The following AUH variants were observed in gnomAD, a reference collection of about 807,000 sequenced individuals.
The protein encoded by AUH is methylglutaconyl-CoA hydratase, mitochondrial.
Under a neutral mutation model 42.3 loss-of-function variants are expected in AUH, and 29 were observed. That is an observed-to-expected ratio of 0.69 (90% CI 0.51 to 0.93). The LOEUF (loss-of-function observed/expected upper bound fraction) is 0.93. AUH is among the 40% of genes least tolerant of loss of function. The pLI is 0.00. For synonymous variants in AUH, 174 were observed against 166.4 expected, an observed-to-expected ratio of 1.05 and a Z score of -0.35; for missense variants, 452 against 438.1, an observed-to-expected ratio of 1.03 and a Z score of -0.28.
At chr9:91,321,521 A>C (rs1829569432) in intron 4 of AUH, among the ~76,000 whole-genome samples, 1 of 152,212 alleles carries the variant, frequency 6.6e-6, no homozygotes, top group Non-Finnish European at 1.5e-5. Flanking sequence ...CCAAAAAGCA[A>C]AACCCAATGA....
intron 6 of AUH, among the ~76,000 whole-genome samples, chr9:91,234,283 T>C (rs944509006): frequency 1.3e-5 from 2 of 152,196 alleles, no homozygotes; most frequent in African/African-American, 4.8e-5. Flanking sequence ...TGCTGGATGC[T>C]GCTTCCAGGA....
intron 4 of AUH, among the ~76,000 whole-genome samples, chr9:91,302,785 A>G (rs1827904109): frequency 6.6e-6 from 1 of 152,210 alleles, no homozygotes; most frequent in Admixed American, 6.5e-5. Context: ...AAGGAAAAAA[A>G]ATGTTAATAA....
chr9:91,324,535 ACT>A (rs1829827758), intron 4 of AUH, among the ~76,000 whole-genome samples: 1 of 148,420 alleles, frequency 6.7e-6, no homozygotes, highest in Non-Finnish European at 1.5e-5. Context: ...AAAAAAAAAA[ACT>A]AAAACCAAAT....
chr9:91,330,170 A>G (rs1830226152), intron 3 of AUH, among the ~76,000 whole-genome samples: 1 of 152,206 alleles, frequency 6.6e-6, no homozygotes, highest in Non-Finnish European at 1.5e-5. Flanking sequence ...GTATTTCTAT[A>G]TACTAGCAAA....
intron 1 of AUH, among the ~76,000 whole-genome samples, chr9:91,360,883 C>T (rs1832793596): frequency 6.6e-6 from 1 of 152,166 alleles, no homozygotes; most frequent in African/African-American, 2.4e-5. Flanking sequence ...ACTGCTATTC[C>T]ACCCTTCACG....
intron 7 of AUH, chr9:91,218,696 T>C (rs1425258534): frequency 5.1e-6 from 5 of 984,924 alleles, no homozygotes; most frequent in East Asian, 2.3e-4. Context: ...ACATTTCCAG[T>C]GCCTTTTCTT....
Position 91,214,235 on chromosome 9 carries a change from C to A in AUH, c.*113G>T. 3.5e-6 allele frequency: 3 copies of A among 858,880 alleles called. No individual in the cohort carries two copies. The highest frequency in any genetic ancestry group is 1.9e-6 in the Non-Finnish European group (1 of 525,658). 53.2% of individuals were successfully genotyped at this position (858,880 alleles called of 1,614,324 possible). A position where few individuals can be genotyped will look rare whatever the true frequency, so the allele number is the denominator to read the frequency against. On this transcript the variant is annotated 3_prime_UTR_variant, in exon 10 of 10. Transcript: ENST00000375731. ...ATGCTTATTACACCGTATGAATAATCTGCTCTTCACTTTGGTCATTAAGGT... is the reference window on the plus strand; with the variant it reads ...ATGCTTATTACACCGTATGAATAATATGCTCTTCACTTTGGTCATTAAGGT...
chr9:91,293,152 T>C (rs1827047846), intron 6 of AUH, among the ~76,000 whole-genome samples: 1 of 152,138 alleles, frequency 6.6e-6, no homozygotes, highest in Non-Finnish European at 1.5e-5. Flanking sequence ...GGTCTCTCTA[T>C]TCCCTGAGAC....
In AUH at chr9:91,298,086, A is replaced by C. The variant is rs1030057012; in HGVS notation, c.506-10T>G. The stretch of plus-strand genomic sequence containing the variant: ...GGTACTGGAAGATTAGCTGAAATGG[A>C]AAGAAAATTTTATGCTTCCTTAATA... On this transcript the variant is annotated splice_polypyrimidine_tract_variant and intron_variant, in intron 4 of 9. Transcript: ENST00000375731. 2 of 1,600,930 alleles carry C rather than the reference A, an allele frequency of 1.2e-6. No individual in the cohort carries two copies. Among genetic ancestry groups the C allele is most frequent in the African/African-American group, 2.7e-5 (2 of 74,622 alleles).
chr9:91,249,036 C>G lies in AUH; in HGVS notation c.656-28044G>C, dbSNP rs571827235. ...TCTGGGCCAGGCACGGTGGCTTACA[C>G]CTGTAATGCCAGCACTCTGGGAGGC... On this transcript the variant is annotated intron_variant, in intron 6 of 9. Transcript: ENST00000375731. Among the ~76,000 whole-genome samples the G allele has an allele frequency of 2.0e-5, 3 of 152,214 alleles. No homozygotes were observed. The South Asian group carries it at 6.2e-4, about 32-fold the overall frequency.
intron 6 of AUH, among the ~76,000 whole-genome samples, chr9:91,231,271 G>A (rs749667520): frequency 8.5e-5 from 13 of 152,146 alleles, no homozygotes; most frequent in South Asian, 2.1e-4. Context: ...TTTTAAGCCC[G>A]TCGGAAAAGC....
chr9:91,278,591 TAGAA>T (rs1200659051), intron 6 of AUH, among the ~76,000 whole-genome samples: 20 of 152,126 alleles, frequency 1.3e-4, no homozygotes, highest in Non-Finnish European at 1.2e-4. Context: ...AATGGAAAAA[TAGAA>T]AGTCTGGATA....
At chr9:91,278,822 G>A (rs1349309379) in intron 6 of AUH, among the ~76,000 whole-genome samples, 1 of 152,144 alleles carries the variant, frequency 6.6e-6, no homozygotes, top group African/African-American at 2.4e-5. Flanking sequence ...GTTGAAACAA[G>A]CGACATGAGC....
intron 4 of AUH, among the ~76,000 whole-genome samples, chr9:91,319,435 C>T (rs1254495015): frequency 6.6e-6 from 1 of 152,146 alleles, no homozygotes. Context: ...GTCAGGTGAC[C>T]ATGTAATTGT....
At chr9:91,306,498 T>C (rs2131723169) in intron 4 of AUH, 3 of 400,910 alleles carry the variant, frequency 7.5e-6, no homozygotes, top group East Asian at 1.6e-4. Context: ...CTCACCATTA[T>C]TGCCTTGCTT....
chr9:91,355,798 C>T (rs1832363664), intron 3 of AUH, 85 bp downstream of exon 3: 1 of 1,297,962 alleles, frequency 7.7e-7, no homozygotes, highest in African/African-American at 1.5e-5. Flanking sequence ...GGGTTCAAAC[C>T]AAAGAACATT....
rs915010722 is a variant in AUH at position 91,221,572 on chromosome 9, G to C, written c.656-580C>G. ...GGTCATCTCCGTTAGCTCTTCTCTC[G>C]GAGACGCTCTCTCACACAAACACAC... On this transcript the variant is annotated intron_variant, in intron 6 of 9. Transcript: ENST00000375731. Among the ~76,000 whole-genome samples, 3 of 152,154 alleles carry C rather than the reference G, an allele frequency of 2.0e-5. No individual in the cohort carries two copies. In the East Asian group the frequency reaches 5.8e-4, roughly 29 times the overall value.
chr9:91,224,458 G>C (rs1827319459), intron 6 of AUH, among the ~76,000 whole-genome samples: 1 of 151,938 alleles, frequency 6.6e-6, no homozygotes. Context: ...CTTTAATTTT[G>C]GTCCAATTTA....
chr9:91,280,144 A>G (rs937747394), intron 6 of AUH, among the ~76,000 whole-genome samples: 5 of 152,212 alleles, frequency 3.3e-5, no homozygotes, highest in African/African-American at 1.2e-4. Context: ...TTTATTTTTA[A>G]AAGATAAGGG....
Sources: allele counts gnomAD v4.1 joint callset (sites outside exome capture counted in the v4.1 genomes callset), GRCh38; gene constraint gnomAD v4.1.1; transcripts MANE v1.5; gene names NCBI Gene and HGNC (gene_info 2026-07-23, HGNC 2026-07-21).